The following TPRA1 variants were observed in gnomAD, a reference collection of about 807,000 sequenced individuals.
TPRA1 encodes transmembrane protein adipocyte associated 1.
A neutral mutation model predicts 40.1 loss-of-function variants in TPRA1; 28 were observed. That is an observed-to-expected ratio of 0.70 (90% CI 0.52 to 0.96). TPRA1 has a LOEUF of 0.96. Ranked by LOEUF, TPRA1 falls within the 40% of genes least tolerant of loss-of-function variation. The probability of loss-of-function intolerance (pLI) is 0.00; values close to 1 mark genes in which losing one functional copy is unlikely to be tolerated. For missense variants in TPRA1, 441 were observed against 482.6 expected, an observed-to-expected ratio of 0.91 and a Z score of 0.81; for synonymous variants, 219 against 209.7, an observed-to-expected ratio of 1.04 and a Z score of -0.38.
rs2073628934 is a variant in TPRA1 at position 127,576,441 on chromosome 3, A to C, written c.498+176T>G. 6.6e-6 allele frequency among the ~76,000 whole-genome samples: 1 copy of C among 152,118 alleles called. No individual in the cohort carries two copies. The highest frequency in any genetic ancestry group is 1.5e-5 in the Non-Finnish European group (1 of 68,004). On this transcript the variant is annotated intron_variant, in intron 6 of 10. Transcript: ENST00000355552. The surrounding 1 kb of genome is among the most constrained non-coding windows in gnomAD (Gnocchi z 4.6). ...CTGGCGCCCTGGCCCACTGGATCCA[A>C]ATCTCCAGGGGACCCCAGAATGTGC...
At chr3:127,575,111 T>C (rs1447041043) in intron 10 of TPRA1, 74 bp downstream of exon 10, 7 of 1,523,384 alleles carry the variant, frequency 4.6e-6, no homozygotes, top group Middle Eastern at 1.7e-4. Context: ...TCAGCTTCAA[T>C]CCTCACACCC....
intron 1 of TPRA1, chr3:127,580,496 T>C (rs1317646896): frequency 4.0e-6 from 1 of 252,236 alleles, no homozygotes; most frequent in Non-Finnish European, 7.8e-6. Flanking sequence ...GGTAAGAGCA[T>C]AGGCTCTGGG....
rs746401058 is a variant in TPRA1 at position 127,575,384 on chromosome 3, C to A, written c.773+19G>T. On this transcript the variant is annotated intron_variant, in intron 9 of 10. Transcript: ENST00000355552. ...TTCCCATGCCCCCACGAGGCAGACA[C>A]CCTGCGGCCCCCACGCACCAGAGCC... is the stretch of plus-strand genomic sequence containing the variant. 11 of 1,571,272 alleles carry A rather than the reference C, an allele frequency of 7.0e-6. No homozygotes were observed. The highest frequency in any genetic ancestry group is 8.6e-6 in the Non-Finnish European group (10 of 1,158,466).
intron 10 of TPRA1, chr3:127,574,961 T>C (rs1559831120): frequency 1.7e-6 from 1 of 583,248 alleles, no homozygotes; most frequent in Non-Finnish European, 3.1e-6. Context: ...TGTGCATCCG[T>C]GTGTGCATGT....
At position 127,597,091 on chromosome 3, in the gene TPRA1, G is replaced by C. The variant is rs538185013; in HGVS notation, c.-391+916C>G. On this transcript the variant is annotated intron_variant, in intron 1 of 3. Transcript: ENST00000462228. ...AGGTTGCACCACTGCACTCCAGCCT[G>C]GGTGACAGAGTGACTCTGTCTCAAA... 1.4e-4 allele frequency among the ~76,000 whole-genome samples: 22 copies of C among 152,134 alleles called. No homozygotes were observed. The Middle Eastern group carries it at 0.014, about 95-fold the overall frequency.
At chr3:127,575,133 A>C in intron 10 of TPRA1, 52 bp downstream of exon 10, 2 of 1,581,072 alleles carry the variant, frequency 1.3e-6, no homozygotes, top group Non-Finnish European at 1.7e-6. Context: ...TGCTGGAAGA[A>C]GGCGCAGTTC....
chr3:127,584,933 G>T (rs999339666), intron 1 of TPRA1, among the ~76,000 whole-genome samples: 1 of 152,054 alleles, frequency 6.6e-6, no homozygotes, highest in African/African-American at 2.4e-5. Context: ...ACGACAGTGG[G>T]AGCAAGAGCA....
Position 127,583,928 on chromosome 3 carries a change from C to CA in TPRA1, c.-17-3766dup, listed in dbSNP as rs561897270. Among the ~76,000 whole-genome samples, 614 of 151,932 alleles carry CA rather than the reference C, an allele frequency of 4.0e-3. 2 individuals are homozygous for CA. Among genetic ancestry groups the CA allele is most frequent in the Middle Eastern group, 0.014 (4 of 294 alleles). On this transcript the variant is annotated intron_variant, in intron 1 of 10. Transcript: ENST00000355552. Reference sequence around the variant, plus strand: ...TCGTGATCCGCCCACCTCGGCCTCCCAAAGTGCTGGGATTACAGGTGTGAG... The same window carrying CA: ...TCGTGATCCGCCCACCTCGGCCTCCCAAAAGTGCTGGGATTACAGGTGTGAG...
chr3:127,575,132 A>G, intron 10 of TPRA1, 53 bp downstream of exon 10: 2 of 1,578,336 alleles, frequency 1.3e-6, no homozygotes, highest in Non-Finnish European at 1.7e-6. Flanking sequence ...ATGCTGGAAG[A>G]AGGCGCAGTT....
At chr3:127,584,146 A>G (rs1228590231) in intron 1 of TPRA1, among the ~76,000 whole-genome samples, 1 of 151,610 alleles carries the variant, frequency 6.6e-6, no homozygotes, top group Non-Finnish European at 1.5e-5. Context: ...AAAAAAAAAA[A>G]AAAGCAAACT....
intron 1 of TPRA1, among the ~76,000 whole-genome samples, chr3:127,588,722 G>A (rs906542211): frequency 1.3e-5 from 2 of 152,166 alleles, no homozygotes; most frequent in African/African-American, 2.4e-5. Context: ...CGCCTGGCCC[G>A]CACTGACTTT....
chr3:127,579,475 A>G (rs2073754589), intron 3 of TPRA1, among the ~76,000 whole-genome samples: 1 of 152,118 alleles, frequency 6.6e-6, no homozygotes, highest in Admixed American at 6.5e-5. Context: ...CACTGGCACT[A>G]TCAGCAAACA....
Position 127,576,776 on chromosome 3 carries a change from A to G in TPRA1, c.418+45T>C. 6.2e-7 allele frequency: 1 copy of G among 1,612,956 alleles called. No individual in the cohort carries two copies. Among genetic ancestry groups the G allele is most frequent in the Non-Finnish European group, 8.5e-7 (1 of 1,179,358 alleles). The stretch of plus-strand genomic sequence containing the variant: ...AGTCAGCCCACAGCCAGGGAGGGGC[A>G]GGGGAGAGCATCGCCAGGGCCCAAG... On this transcript the variant is annotated intron_variant, in intron 5 of 10. Coordinates refer to ENST00000355552, the MANE Select transcript of TPRA1 (RefSeq NM_001136053.4). The surrounding 1 kb of genome is among the most constrained non-coding windows in gnomAD (Gnocchi z 4.6).
chr3:127,588,500 A>G (rs1292822966), intron 1 of TPRA1, among the ~76,000 whole-genome samples: 2 of 149,184 alleles, frequency 1.3e-5, no homozygotes, highest in African/African-American at 5.0e-5. Flanking sequence ...GGGTCACTGC[A>G]ACCTCCGCCT....
upstream of TPRA1, among the ~76,000 whole-genome samples, chr3:127,594,025 T>C (rs570449520): frequency 6.6e-5 from 10 of 152,306 alleles, no homozygotes; most frequent in African/African-American, 2.4e-4. Context: ...TCAATGACAA[T>C]GTGCTAATCA....
intron 1 of TPRA1, among the ~76,000 whole-genome samples, chr3:127,587,639 A>G (rs896794914): frequency 6.6e-6 from 1 of 151,998 alleles, no homozygotes; most frequent in African/African-American, 2.4e-5. Context: ...AAACATCTAC[A>G]AAAGTGACAC....
intron 3 of TPRA1, among the ~76,000 whole-genome samples, chr3:127,579,145 G>A (rs1305697069): frequency 6.6e-6 from 1 of 152,224 alleles, no homozygotes; most frequent in Admixed American, 6.5e-5. Flanking sequence ...CAGGCAACAC[G>A]TGCCAGGACC....
At chr3:127,584,598 G>A (rs1213575593) in intron 1 of TPRA1, among the ~76,000 whole-genome samples, 1 of 151,970 alleles carries the variant, frequency 6.6e-6, no homozygotes, top group Non-Finnish European at 1.5e-5. Context: ...CTTTAGTGAT[G>A]GAACCAATGG....
chr3:127,576,282 G>C lies in TPRA1; in HGVS notation c.499-232C>G, dbSNP rs568628705. Reference sequence around the variant, plus strand: ...TGAGTCACATGGGGAAGGGGGCAGAGATGGACAAGGTGCAGTCCCTGCCCC... The same window carrying C: ...TGAGTCACATGGGGAAGGGGGCAGACATGGACAAGGTGCAGTCCCTGCCCC... On this transcript the variant is annotated intron_variant, in intron 6 of 10. Transcript: ENST00000355552. The surrounding 1 kb of genome is among the most constrained non-coding windows in gnomAD (Gnocchi z 4.6). Among the ~76,000 whole-genome samples the C allele has an allele frequency of 6.6e-6, 1 of 152,216 alleles. No individual in the cohort carries two copies. The highest frequency in any genetic ancestry group is 1.5e-5 in the Non-Finnish European group (1 of 68,034).
Sources: gnomAD v4.1 joint callset for allele counts (sites outside exome capture counted in the v4.1 genomes callset) on GRCh38, gnomAD v4.1.1 for gene constraint, Gnocchi (gnomAD v3.1) non-coding constraint, MANE v1.5 for transcripts, NCBI Gene and HGNC (gene_info 2026-07-23, HGNC 2026-07-21) for gene names.